SPMIP6: variants seen among roughly 807,000 people sequenced by gnomAD.
SPMIP6 encodes ciliated bronchial epithelial protein 1.
chr9:34,397,635 G>C, the SPMIP6 span: 8 of 1,598,108 alleles, frequency 5.0e-6, no homozygotes, highest in Non-Finnish European at 6.8e-6. Flanking sequence ...CAGGAACATG[G>C]TGTGGTCTTG....
the SPMIP6 span, chr9:34,397,624 A>G: frequency 6.2e-7 from 1 of 1,605,256 alleles, no homozygotes; most frequent in Non-Finnish European, 8.5e-7. Context: ...TTACGGGAGA[A>G]CAGGAACATG....
the SPMIP6 span, chr9:34,380,632 G>C: frequency 4.6e-6 from 7 of 1,515,974 alleles, no homozygotes; most frequent in Non-Finnish European, 5.3e-6. Context: ...AGCATATAGA[G>C]AGGCCAGGTT....
At chr9:34,391,720 GAC>G in the SPMIP6 span, among the ~76,000 whole-genome samples, 3 of 152,154 alleles carry the variant, frequency 2.0e-5, no homozygotes, top group Non-Finnish European at 4.4e-5. Context: ...TGAGGTTAGA[GAC>G]AGTTATTTTG....
chr9:34,393,694 A>G, the SPMIP6 span, among the ~76,000 whole-genome samples: 1 of 151,990 alleles, frequency 6.6e-6, no homozygotes, highest in African/African-American at 2.4e-5. Flanking sequence ...TCCTTCTGAG[A>G]TTCCCATTAG....
the SPMIP6 span, among the ~76,000 whole-genome samples, chr9:34,384,273 T>C: frequency 6.6e-6 from 1 of 152,182 alleles, no homozygotes; most frequent in African/African-American, 2.4e-5. Context: ...TGTCAGTAAT[T>C]AAAGGCTTGT....
At chr9:34,385,728 C>T in the SPMIP6 span, 2 of 1,613,680 alleles carry the variant, frequency 1.2e-6, no homozygotes, top group Non-Finnish European at 8.5e-7. Context: ...CACATTTGGC[C>T]ATCTTCTGCA....
chr9:34,397,093 A>C, the SPMIP6 span, among the ~76,000 whole-genome samples: 2 of 152,190 alleles, frequency 1.3e-5, no homozygotes, highest in Non-Finnish European at 2.9e-5. Flanking sequence ...ACTTGTCTGG[A>C]ACTTTCAGCT....
At chr9:34,384,587 T>C in the SPMIP6 span, among the ~76,000 whole-genome samples, 2 of 152,300 alleles carry the variant, frequency 1.3e-5, no homozygotes, top group South Asian at 4.1e-4. Context: ...ATCAGAGCCA[T>C]GCAAGAGCAA....
chr9:34,383,918 C>T, the SPMIP6 span, among the ~76,000 whole-genome samples: 1 of 152,208 alleles, frequency 6.6e-6, no homozygotes. Flanking sequence ...TGACATAGCA[C>T]CTGTGGTACT....
At chr9:34,382,834 A>G in the SPMIP6 span, 3 of 1,614,126 alleles carry the variant, frequency 1.9e-6, no homozygotes, top group Admixed American at 5.0e-5. Context: ...GTGTTGTACC[A>G]GTCACTGCCC....
the SPMIP6 span, among the ~76,000 whole-genome samples, chr9:34,389,520 C>T: frequency 6.6e-6 from 1 of 152,166 alleles, no homozygotes; most frequent in African/African-American, 2.4e-5. Context: ...ACTGGGACTA[C>T]AGGCACACAC....
At chr9:34,382,584 A>T in the SPMIP6 span, 2 of 110,130 alleles carry the variant, frequency 1.8e-5, no homozygotes, top group Non-Finnish European at 3.3e-5. Context: ...GACTCTATCT[A>T]AAAAAAAAAA....
the SPMIP6 span, among the ~76,000 whole-genome samples, chr9:34,391,279 T>A: frequency 6.6e-6 from 1 of 152,162 alleles, no homozygotes; most frequent in African/African-American, 2.4e-5. Flanking sequence ...AGACCCTTCT[T>A]TTATTTGTCT....
the SPMIP6 span, chr9:34,397,683 G>A: frequency 6.5e-7 from 1 of 1,530,688 alleles, no homozygotes; most frequent in Non-Finnish European, 8.8e-7. Flanking sequence ...AAGGGCTCCT[G>A]CTGGACATCA....
At chr9:34,382,883 G>C in the SPMIP6 span, 1 of 1,514,632 alleles carries the variant, frequency 6.6e-7, no homozygotes, top group Non-Finnish European at 9.2e-7. Context: ...GATAATAGGG[G>C]TGGAGATGTC....
the SPMIP6 span, among the ~76,000 whole-genome samples, chr9:34,384,691 C>T: frequency 2.0e-5 from 3 of 152,060 alleles, no homozygotes; most frequent in African/African-American, 7.2e-5. Context: ...GTGCTGTGCT[C>T]GATGGAGGGG....
the SPMIP6 span, among the ~76,000 whole-genome samples, chr9:34,383,743 A>G: frequency 2.6e-5 from 4 of 152,154 alleles, no homozygotes; most frequent in African/African-American, 7.2e-5. Context: ...AGTTTCTCCA[A>G]CTTTAAAATG....
the SPMIP6 span, among the ~76,000 whole-genome samples, chr9:34,387,398 T>G: frequency 2.0e-5 from 3 of 152,136 alleles, no homozygotes; most frequent in African/African-American, 7.2e-5. Context: ...TGTGCCCAGC[T>G]GACATTGTTC....
chr9:34,395,769 A>G, the SPMIP6 span, among the ~76,000 whole-genome samples: 1 of 152,358 alleles, frequency 6.6e-6, no homozygotes, highest in South Asian at 2.1e-4. Flanking sequence ...TAGCATTAGC[A>G]TTCCTCCAGC....
Sources: gnomAD v4.1 joint callset for allele counts (sites outside exome capture counted in the v4.1 genomes callset) on GRCh38, gnomAD v4.1.1 for gene constraint, MANE v1.5 for transcripts, NCBI Gene and HGNC (gene_info 2026-07-23, HGNC 2026-07-21) for gene names.